LMO7: variants seen among roughly 807,000 people sequenced by gnomAD.
LMO7 encodes the protein LIM domain 7.
Under a neutral mutation model 206.5 loss-of-function variants are expected in LMO7, and 120 were observed. The observed-to-expected ratio is 0.58, with a 90% CI of 0.50 to 0.68. The LOEUF is 0.68. Among genes scored for constraint, LMO7 ranks in the 30% least tolerant of loss-of-function variants. The pLI, the probability that LMO7 is intolerant of heterozygous loss-of-function variation, is 0.00. For synonymous variants in LMO7, 706 were observed against 681.5 expected, an observed-to-expected ratio of 1.04 and a Z score of -0.56; for missense variants, 1,959 against 1,957.9, an observed-to-expected ratio of 1.00 and a Z score of -0.01.
intron 25 of LMO7, among the ~76,000 whole-genome samples, chr13:75,843,774 A>G (rs1032432183): frequency 2.5e-4 from 38 of 152,188 alleles, no homozygotes; most frequent in African/African-American, 8.2e-4. Flanking sequence ...TCAAACAAAT[A>G]TTGAGGGTAG....
Position 75,853,255 on chromosome 13 carries a change from CCCT to C in LMO7, c.4534_4536del (p.Ser1513del). On this transcript the variant is annotated inframe_deletion, in exon 28 of 31. Coordinates refer to ENST00000377534, the MANE Select transcript of LMO7 (RefSeq NM_001306080.2). ...ATCAAACCGTGCCTACATGCGGAAC[CCCT>C]CCTCCAGCGTGCCCCCACCTTCAGC... 3.7e-6 allele frequency: 6 copies of C among 1,614,118 alleles called. No individual in the cohort carries two copies. The highest frequency in any genetic ancestry group is 5.1e-6 in the Non-Finnish European group (6 of 1,180,012).
In LMO7 at chr13:75,823,823, G is replaced by C. The variant is rs779977216; in HGVS notation, c.2899G>C (p.Glu967Gln). 1.6e-5 allele frequency: 26 copies of C among 1,613,964 alleles called. No homozygotes were observed. The Admixed American group carries it at 2.7e-4, about 17-fold the overall frequency. ...SSTSGLDLMS[E>Q]SGEGEISPQR... Reference sequence around the variant, plus strand: ...CACATCTGGTCTTGATTTAATGTCTGAATCTGGAGAAGGGGAAATCTCCCC... The same window carrying C: ...CACATCTGGTCTTGATTTAATGTCTCAATCTGGAGAAGGGGAAATCTCCCC... The change falls in exon 15 of 31, where the codon GAA (glutamate) becomes CAA (glutamine). Residue 967 changes from glutamate (E) to glutamine (Q), a missense_variant. By Grantham distance (29) the Glu-to-Gln change is conservative (BLOSUM62 2). Coordinates refer to ENST00000377534, the MANE Select transcript of LMO7 (RefSeq NM_001306080.2).
intron 2 of LMO7, among the ~76,000 whole-genome samples, chr13:75,722,311 G>A (rs1029981279): frequency 6.6e-6 from 1 of 152,046 alleles, no homozygotes; most frequent in Admixed American, 6.6e-5. Flanking sequence ...ATCTGACAAA[G>A]GACTGATATC....
At position 75,626,577 on chromosome 13, in the gene LMO7, T is replaced by TATATA. The variant is rs71127564; in HGVS notation, c.225+3257_225+3258insATATA. Among the ~76,000 whole-genome samples the TATATA allele has an allele frequency of 7.4e-3, 551 of 74,182 alleles. 74 individuals are homozygous for TATATA. The highest frequency in any genetic ancestry group is 0.017 in the African/African-American group (392 of 22,856). The allele number at this position is 74,182 out of a possible 152,430, so 48.7% of individuals were successfully genotyped here. A position where few individuals can be genotyped will look rare whatever the true frequency, so the allele number is the denominator to read the frequency against. ...ATTGTCTACCCTCTTAACATATATA[T>TATATA]TATATATATATATATAAATTTTTTT... On this transcript the variant is annotated intron_variant, in intron 2 of 29. Coordinates refer to the LMO7 transcript ENST00000341547.
chr13:75,636,125 G>A (rs548856804), upstream of LMO7: 564 of 200,208 alleles, frequency 2.8e-3, 2 homozygotes, highest in South Asian at 4.7e-3. Flanking sequence ...AACCCCAGCG[G>A]GGCCCGGGCC....
At position 75,637,101 on chromosome 13, in the gene LMO7, C is replaced by T. The variant is rs1245320200; in HGVS notation, c.69+375C>T. ...CGGTGCAGAGCTGGGCCAGGGCTCT[C>T]GGGTGCATTCCCTCGGGGTGCCTAG... On this transcript the variant is annotated intron_variant, in intron 1 of 30. Coordinates refer to ENST00000377534, the MANE Select transcript of LMO7 (RefSeq NM_001306080.2). Among the ~76,000 whole-genome samples the T allele has an allele frequency of 8.9e-5, 13 of 146,166 alleles. No individual in the cohort carries two copies. The Admixed American group carries it at 9.3e-4, about 10-fold the overall frequency.
At chr13:75,646,593 T>TTA (rs2037039143) in intron 1 of LMO7, among the ~76,000 whole-genome samples, 2 of 136,550 alleles carry the variant, frequency 1.5e-5, no homozygotes. Context: ...TTTTTTTTTT[T>TTA]AATTTTTGAG....
chr13:75,697,910 C>G (rs143178136), intron 1 of LMO7, among the ~76,000 whole-genome samples: 1 of 152,296 alleles, frequency 6.6e-6, no homozygotes, highest in South Asian at 2.1e-4. Flanking sequence ...AAAACTGTTT[C>G]TGCAAGTTGT....
chr13:75,632,070 T>A (rs2035026096), upstream of LMO7: 1 of 152,206 alleles, frequency 6.6e-6, no homozygotes, highest in African/African-American at 2.4e-5. Flanking sequence ...TTGTACTGTT[T>A]TACATTTTTA....
chr13:75,654,219 G>A lies in LMO7; in HGVS notation c.69+17493G>A, dbSNP rs893046691. 5.9e-5 allele frequency among the ~76,000 whole-genome samples: 9 copies of A among 152,174 alleles called. No individual in the cohort carries two copies. In the East Asian group the frequency reaches 7.7e-4, roughly 13 times the overall value. ...CTACAAAGAATTCAAGGCACAGAAG[G>A]TAGCAACAGTAGGAAGACATCTTCC... On this transcript the variant is annotated intron_variant, in intron 1 of 30. Coordinates refer to ENST00000377534, the MANE Select transcript of LMO7 (RefSeq NM_001306080.2).
At chr13:75,788,561 C>A (rs2052783214) in intron 4 of LMO7, among the ~76,000 whole-genome samples, 1 of 151,896 alleles carries the variant, frequency 6.6e-6, no homozygotes, top group Non-Finnish European at 1.5e-5. Flanking sequence ...TTGCCCCAGA[C>A]ATATCTTACA....
intron 3 of LMO7, among the ~76,000 whole-genome samples, chr13:75,738,031 A>C (rs1233364791): frequency 6.6e-6 from 1 of 151,804 alleles, no homozygotes; most frequent in Non-Finnish European, 1.5e-5. Context: ...GATGAGTTCC[A>C]TAAGAAGACA....
At chr13:75,656,918 T>A (rs2139207018) in intron 1 of LMO7, among the ~76,000 whole-genome samples, 1 of 152,312 alleles carries the variant, frequency 6.6e-6, no homozygotes, top group Admixed American at 6.5e-5. Flanking sequence ...CAAAAAGATA[T>A]GTTGAAACCC....
chr13:75,849,303 T>C lies in LMO7; in HGVS notation c.4364+11T>C, dbSNP rs760670569. 73 of 1,603,590 alleles carry C rather than the reference T, an allele frequency of 4.6e-5. No individual in the cohort carries two copies. The highest frequency in any genetic ancestry group is 6.2e-5 in the Non-Finnish European group (72 of 1,170,634). On this transcript the variant is annotated intron_variant, in intron 27 of 30. Transcript: ENST00000377534. ...TGGGATCATGAGAAGGTGCGAGACATCTTAGGAATTGGTTTCTTGTCTTTA... is the reference window on the plus strand; with the variant it reads ...TGGGATCATGAGAAGGTGCGAGACACCTTAGGAATTGGTTTCTTGTCTTTA...
chr13:75,661,233 T>TC (rs2038567090), intron 1 of LMO7, among the ~76,000 whole-genome samples: 1 of 152,220 alleles, frequency 6.6e-6, no homozygotes, highest in South Asian at 2.1e-4. Flanking sequence ...GTGTTTTCCA[T>TC]CGTACTGTGT....
intron 1 of LMO7, among the ~76,000 whole-genome samples, chr13:75,644,499 T>A (rs1386883503): frequency 6.6e-6 from 1 of 152,194 alleles, no homozygotes; most frequent in East Asian, 1.9e-4. Context: ...AGCTGTAAGA[T>A]TAGCTATTTT....
intron 2 of LMO7, among the ~76,000 whole-genome samples, chr13:75,719,345 T>C (rs1406217995): frequency 6.6e-6 from 1 of 152,190 alleles, no homozygotes; most frequent in Non-Finnish European, 1.5e-5. Flanking sequence ...TGTTTATTCA[T>C]TCATCAAATG....
intron 3 of LMO7, among the ~76,000 whole-genome samples, chr13:75,747,349 C>G (rs2046930934): frequency 1.3e-5 from 2 of 152,100 alleles, no homozygotes; most frequent in Non-Finnish European, 2.9e-5. Context: ...GGTCATCTTC[C>G]TGTGAACAGT....
At chr13:75,717,825 CT>C (rs1465630608) in intron 2 of LMO7, among the ~76,000 whole-genome samples, 1 of 152,184 alleles carries the variant, frequency 6.6e-6, no homozygotes, top group East Asian at 1.9e-4. Flanking sequence ...GTGGGAAAGG[CT>C]TTTTTTCTTA....
Sources: allele counts gnomAD v4.1 joint callset (sites outside exome capture counted in the v4.1 genomes callset), GRCh38; gene constraint gnomAD v4.1.1; transcripts MANE v1.5; gene names NCBI Gene and HGNC (gene_info 2026-07-23, HGNC 2026-07-21).